Variants in PCSK5 observed in about 807,000 individuals in gnomAD.
PCSK5 encodes prohormone convertase 5.
A neutral mutation model predicts 233.2 loss-of-function variants in PCSK5; 129 were observed. The ratio of observed to expected loss-of-function variants is 0.55; its 90% CI spans 0.48 to 0.64. The LOEUF (loss-of-function observed/expected upper bound fraction) is 0.64, where lower values mean the gene tolerates loss of function less well. Ranked by LOEUF, PCSK5 falls within the 30% of genes least tolerant of loss-of-function variation. The pLI is 0.00. For missense variants in PCSK5, 2,076 were observed against 2,430.1 expected (o/e 0.85, Z 3.06); for synonymous variants, 825 against 879.2 (o/e 0.94, Z 1.09).
chr9:75,946,158 A>T (rs571725551), intron 2 of PCSK5, among the ~76,000 whole-genome samples: 2 of 152,368 alleles, frequency 1.3e-5, no homozygotes, highest in Non-Finnish European at 2.9e-5. Flanking sequence ...GATAAGTGAT[A>T]GAGGCAATAA....
intron 2 of PCSK5, among the ~76,000 whole-genome samples, chr9:75,939,255 C>T (rs1310878947): frequency 5.3e-5 from 8 of 152,156 alleles, no homozygotes; most frequent in Non-Finnish European, 7.3e-5. Flanking sequence ...TCACAGACTT[C>T]TAACATAGAA....
At chr9:75,996,609 A>G (rs1260732756) in intron 3 of PCSK5, among the ~76,000 whole-genome samples, 1 of 152,232 alleles carries the variant, frequency 6.6e-6, no homozygotes, top group East Asian at 1.9e-4. Flanking sequence ...CTAATAATTA[A>G]TGATCCACTT....
chr9:76,353,912 C>T, intron 36 of PCSK5, 121 bp from the exon 37 acceptor site: 1 of 699,058 alleles, frequency 1.4e-6, no homozygotes, highest in Non-Finnish European at 2.4e-6. Context: ...AACACACCAT[C>T]CTTCTGCTGT....
chr9:76,085,534 A>C (rs971187052), intron 7 of PCSK5, among the ~76,000 whole-genome samples: 1 of 152,236 alleles, frequency 6.6e-6, no homozygotes, highest in African/African-American at 2.4e-5. Context: ...CATTGGATGC[A>C]TCTTTAAGGA....
chr9:76,091,403 G>A (rs976054261), intron 7 of PCSK5, among the ~76,000 whole-genome samples: 2 of 152,094 alleles, frequency 1.3e-5, no homozygotes, highest in African/African-American at 2.4e-5. Flanking sequence ...AGTCCTGTGC[G>A]GCCCCACACT....
intron 20 of PCSK5, among the ~76,000 whole-genome samples, chr9:76,197,017 A>T (rs1357663384): frequency 6.6e-6 from 1 of 152,190 alleles, no homozygotes; most frequent in East Asian, 1.9e-4. Context: ...GTAGAGCTAG[A>T]ATTGGTCCCT....
intron 35 of PCSK5, among the ~76,000 whole-genome samples, chr9:76,346,567 A>T (rs965127594): frequency 1.3e-5 from 2 of 151,852 alleles, no homozygotes; most frequent in Non-Finnish European, 2.9e-5. Flanking sequence ...TTATTTTTTT[A>T]ATTTTAATTT....
rs1009441434 is a variant in PCSK5, at chr9:76,164,931, G to GT, written c.1620-4767dup. ...TTGATAATAGCTTGCATATTGGAAG[G>GT]TTTTTTACCAAAAAAAAAAAAACTT... On this transcript the variant is annotated intron_variant, in intron 12 of 37. Transcript: ENST00000674117. Among the ~76,000 whole-genome samples the GT allele has an allele frequency of 6.8e-5, 10 of 146,156 alleles. No homozygotes were observed. The South Asian group carries it at 1.3e-3, about 19-fold the overall frequency.
intron 5 of PCSK5, among the ~76,000 whole-genome samples, chr9:76,058,079 G>A (rs1000364445): frequency 6.6e-6 from 1 of 151,978 alleles, no homozygotes; most frequent in African/African-American, 2.4e-5. Flanking sequence ...CAACTTCTGT[G>A]CTCAAGTGAT....
chr9:76,334,868 A>G (rs1177589293), intron 34 of PCSK5, among the ~76,000 whole-genome samples: 2 of 152,242 alleles, frequency 1.3e-5, no homozygotes, highest in Non-Finnish European at 2.9e-5. Context: ...ACTTGAGGCC[A>G]GGAGTTCACG....
intron 14 of PCSK5, among the ~76,000 whole-genome samples, chr9:76,177,783 T>C (rs11144779): frequency 0.35 from 52,533 of 151,994 alleles, 9,467 homozygotes; most frequent in East Asian, 0.59. Flanking sequence ...AAAACATCAA[T>C]ATTGGCACTT....
chr9:75,974,749 G>C (rs556260888), intron 2 of PCSK5, among the ~76,000 whole-genome samples: 4 of 151,992 alleles, frequency 2.6e-5, no homozygotes, highest in Admixed American at 2.6e-4. Context: ...CCACATTGCG[G>C]GTCTTCATTC....
chr9:75,928,608 T>TACATATATATAC (rs1432875133), intron 1 of PCSK5, among the ~76,000 whole-genome samples: 52 of 103,176 alleles, frequency 5.0e-4, no homozygotes, highest in African/African-American at 2.4e-3. Flanking sequence ...TATATATATA[T>TACATATATATAC]ATATATATAT....
At chr9:76,006,482 T>C (rs531630806) in intron 3 of PCSK5, among the ~76,000 whole-genome samples, 1 of 152,318 alleles carries the variant, frequency 6.6e-6, no homozygotes, top group East Asian at 1.9e-4. Context: ...CTTCACTTGA[T>C]CTATATTTGG....
intron 5 of PCSK5, among the ~76,000 whole-genome samples, chr9:76,042,405 C>T (rs752196662): frequency 2.0e-5 from 3 of 152,234 alleles, no homozygotes; most frequent in Non-Finnish European, 4.4e-5. Flanking sequence ...AATCCCAGCA[C>T]TTTGTGAGAT....
chr9:76,064,837 A>G (rs1197980240), intron 5 of PCSK5, among the ~76,000 whole-genome samples: 1 of 151,974 alleles, frequency 6.6e-6, no homozygotes, highest in African/African-American at 2.4e-5. Context: ...GACGCTCCTC[A>G]CTTCCTAGAT....
At chr9:76,152,192 TTTC>T (rs1204958390) in intron 10 of PCSK5, among the ~76,000 whole-genome samples, 19 of 152,240 alleles carry the variant, frequency 1.2e-4, no homozygotes, top group Non-Finnish European at 2.8e-4. Context: ...CACATTCTGA[TTTC>T]AGTTGCACGT....
At chr9:76,251,749 G>C (rs879931627) in intron 24 of PCSK5, among the ~76,000 whole-genome samples, 2 of 151,830 alleles carry the variant, frequency 1.3e-5, no homozygotes, top group African/African-American at 4.9e-5. Flanking sequence ...TAACTCTATG[G>C]AATAGATATA....
chr9:76,087,962 C>G (rs1280315882), intron 7 of PCSK5, among the ~76,000 whole-genome samples: 1 of 152,164 alleles, frequency 6.6e-6, no homozygotes, highest in Non-Finnish European at 1.5e-5. Flanking sequence ...TTTTTCTCAC[C>G]AGAGAAGTAG....
Sources: allele counts gnomAD v4.1 joint callset (sites outside exome capture counted in the v4.1 genomes callset), GRCh38; gene constraint gnomAD v4.1.1; transcripts MANE v1.5; gene names NCBI Gene and HGNC (gene_info 2026-07-23, HGNC 2026-07-21).